CFDP1: variants seen among roughly 807,000 people sequenced by gnomAD.
CFDP1 encodes chromatin remodeling protein CFDP1.
In CFDP1, 31 loss-of-function variants were observed where a neutral mutation model predicts 40.1. The observed-to-expected ratio is 0.77, with a 90% CI of 0.58 to 1.04. The LOEUF is 1.04. CFDP1 is among the 50% of genes least tolerant of loss of function. The pLI is 0.00. For missense variants in CFDP1, 423 were observed against 343.4 expected (o/e 1.23, Z -1.83); for synonymous variants, 167 against 120.0 (o/e 1.39, Z -2.56).
chr16:75,402,891 G>C (rs2079067356), intron 4 of CFDP1, among the ~76,000 whole-genome samples: 2 of 151,838 alleles, frequency 1.3e-5, no homozygotes, highest in Middle Eastern at 3.4e-3. Flanking sequence ...GGGAGTTACA[G>C]AACTTTCACT....
rs61472076 is a variant in CFDP1 at position 75,349,650 on chromosome 16, C to CAAA, written c.651-44471_651-44469dup. On this transcript the variant is annotated intron_variant, in intron 5 of 6. Coordinates refer to ENST00000283882, the MANE Select transcript of CFDP1 (RefSeq NM_006324.3). ...TGGGCGACAGAGCGAGACTCCGTCT[C>CAAA]AAAAAAAAAAAAAAAAAAAAAAAAA... Among the ~76,000 whole-genome samples the CAAA allele has an allele frequency of 2.2e-4, 5 of 23,244 alleles. 2 individuals carry two copies. Among genetic ancestry groups the CAAA allele is most frequent in the Non-Finnish European group, 4.2e-4 (5 of 11,862 alleles). 15.2% of individuals were successfully genotyped at this position (23,244 alleles called of 152,430 possible).
chr16:75,398,807 C>T (rs1264361956), intron 4 of CFDP1, among the ~76,000 whole-genome samples: 2 of 151,988 alleles, frequency 1.3e-5, no homozygotes, highest in Non-Finnish European at 2.9e-5. Flanking sequence ...GTAATCCCAG[C>T]ACTTTGGGAG....
intron 5 of CFDP1, among the ~76,000 whole-genome samples, chr16:75,386,086 T>C (rs1223845399): frequency 6.6e-6 from 1 of 152,092 alleles, no homozygotes; most frequent in Non-Finnish European, 1.5e-5. Context: ...TGGATTCCTA[T>C]GTAACAAACC....
intron 5 of CFDP1, among the ~76,000 whole-genome samples, chr16:75,375,624 T>G (rs1219583535): frequency 6.6e-6 from 1 of 151,988 alleles, no homozygotes; most frequent in African/African-American, 2.4e-5. Flanking sequence ...AAACCCCATC[T>G]CCACAAAAAA....
chr16:75,403,966 T>C (rs1190593269), intron 4 of CFDP1, among the ~76,000 whole-genome samples: 2 of 151,632 alleles, frequency 1.3e-5, no homozygotes, highest in Non-Finnish European at 2.9e-5. Context: ...ACCCTGTCTT[T>C]ACTAAAAATA....
At chr16:75,304,336 A>G (rs2078243576) in intron 6 of CFDP1, among the ~76,000 whole-genome samples, 1 of 152,206 alleles carries the variant, frequency 6.6e-6, no homozygotes, top group African/African-American at 2.4e-5. Flanking sequence ...CGAAAGTGCC[A>G]AGATTACAGG....
intron 5 of CFDP1, among the ~76,000 whole-genome samples, chr16:75,378,876 A>G (rs915444975): frequency 2.0e-5 from 3 of 152,242 alleles, no homozygotes; most frequent in African/African-American, 7.2e-5. Context: ...CAAATTTAAA[A>G]GAGTTGAAAT....
At chr16:75,310,760 A>C (rs2078289224) in intron 5 of CFDP1, among the ~76,000 whole-genome samples, 1 of 152,212 alleles carries the variant, frequency 6.6e-6, no homozygotes, top group African/African-American at 2.4e-5. Context: ...AGGAGCTGGG[A>C]GAGTAACTTG....
At chr16:75,320,946 T>A (rs561850935) in intron 5 of CFDP1, among the ~76,000 whole-genome samples, 1 of 152,024 alleles carries the variant, frequency 6.6e-6, no homozygotes, top group Non-Finnish European at 1.5e-5. Flanking sequence ...TGCTGGAAAA[T>A]CTGATGACTT....
intron 5 of CFDP1, among the ~76,000 whole-genome samples, chr16:75,330,405 G>A (rs890277155): frequency 1.3e-5 from 2 of 152,276 alleles, no homozygotes; most frequent in Non-Finnish European, 2.9e-5. Context: ...TGACCAACAC[G>A]GTGAAACCCC....
In CFDP1 at chr16:75,395,141, T is replaced by G. The variant is rs772094397; in HGVS notation, c.599A>C (p.Lys200Thr). 6 of 1,613,908 alleles carry G rather than the reference T, an allele frequency of 3.7e-6. No individual in the cohort carries two copies. Among genetic ancestry groups the G allele is most frequent in the Non-Finnish European group, 5.1e-6 (6 of 1,179,886 alleles). ...AGCTGAAGGAACATTAGCCTGTGGT[T>G]TTTCTTTCTCATTCTGCTTGAAGAA... Reference protein sequence around the residue: ...KSFFKQNEKEKPQANVPSALP... With the variant: ...KSFFKQNEKETPQANVPSALP... Residue 200 changes from lysine (K) to threonine (T), a missense_variant, in exon 5 of 7, where the codon AAA becomes ACA. Transcript: ENST00000283882.
chr16:75,423,047 G>A (rs1041362493), intron 1 of CFDP1, among the ~76,000 whole-genome samples: 6 of 151,954 alleles, frequency 3.9e-5, no homozygotes, highest in Non-Finnish European at 7.4e-5. Flanking sequence ...TTGGGAGGCC[G>A]AGGTGGGCGG....
chr16:75,301,509 T>A (rs942717176), intron 6 of CFDP1, among the ~76,000 whole-genome samples: 4 of 149,374 alleles, frequency 2.7e-5, no homozygotes, highest in African/African-American at 7.3e-5. Flanking sequence ...AAGTTTCTTT[T>A]TTCTCAACAT....
At position 75,429,707 on chromosome 16, in the gene CFDP1, T is replaced by C. The variant is rs146599939; in HGVS notation, c.64+3582A>G. Among the ~76,000 whole-genome samples, 228 of 152,234 alleles carry C rather than the reference T, an allele frequency of 1.5e-3. 1 individual carries two copies. The highest frequency in any genetic ancestry group is 5.4e-3 in the African/African-American group (225 of 41,544). On this transcript the variant is annotated intron_variant, in intron 1 of 6. Transcript: ENST00000283882. Reference sequence around the variant, plus strand: ...CTCATAGAAGGTAACCAAGACAAAGTGGAGGCCAGAAGGCAAAGACTGTTT... The same window carrying C: ...CTCATAGAAGGTAACCAAGACAAAGCGGAGGCCAGAAGGCAAAGACTGTTT...
At chr16:75,415,166 A>C (rs1333708605) in intron 1 of CFDP1, among the ~76,000 whole-genome samples, 3 of 152,206 alleles carry the variant, frequency 2.0e-5, no homozygotes, top group Non-Finnish European at 2.9e-5. Flanking sequence ...GAAGTTTAAA[A>C]GGAAACCTAA....
intron 5 of CFDP1, among the ~76,000 whole-genome samples, chr16:75,370,051 G>C (rs2078740481): frequency 6.6e-6 from 1 of 151,332 alleles, no homozygotes; most frequent in Non-Finnish European, 1.5e-5. Context: ...GGGATTACAG[G>C]CGTGAGCCAC....
At chr16:75,342,773 G>T (rs1280775143) in intron 5 of CFDP1, among the ~76,000 whole-genome samples, 1 of 152,124 alleles carries the variant, frequency 6.6e-6, no homozygotes, top group Non-Finnish European at 1.5e-5. Flanking sequence ...CTCAACCTTG[G>T]GTCATTCTGC....
At chr16:75,294,916 G>A (rs1280184952) in intron 6 of CFDP1, among the ~76,000 whole-genome samples, 1 of 152,186 alleles carries the variant, frequency 6.6e-6, no homozygotes, top group African/African-American at 2.4e-5. Context: ...AGTGAGGCTG[G>A]CTGCTTAATG....
At chr16:75,424,582 A>C (rs977453648) in intron 1 of CFDP1, among the ~76,000 whole-genome samples, 1 of 151,950 alleles carries the variant, frequency 6.6e-6, no homozygotes, top group Non-Finnish European at 1.5e-5. Context: ...GGTGAAACCC[A>C]GTCTCTACTA....
Sources: gnomAD v4.1 joint callset for allele counts (sites outside exome capture counted in the v4.1 genomes callset) on GRCh38, gnomAD v4.1.1 for gene constraint, MANE v1.5 for transcripts, NCBI Gene and HGNC (gene_info 2026-07-23, HGNC 2026-07-21) for gene names.